GPHN: variants seen among roughly 807,000 people sequenced by gnomAD.
GPHN encodes the protein gephyrin.
A neutral mutation model predicts 95.5 loss-of-function variants in GPHN; 17 were observed. That is an observed-to-expected ratio of 0.18 (90% confidence interval 0.12 to 0.27). GPHN has a LOEUF of 0.27. Among genes scored for constraint, GPHN ranks in the 10% least tolerant of loss-of-function variants. The pLI is 1.00. For missense variants in GPHN, 660 were observed against 978.1 expected, an observed-to-expected ratio of 0.67 and a Z score of 4.34; for synonymous variants, 320 against 322.5, an observed-to-expected ratio of 0.99 and a Z score of 0.08.
the GPHN span, among the ~76,000 whole-genome samples, chr14:67,379,054 C>A: frequency 6.6e-6 from 1 of 152,118 alleles, no homozygotes; most frequent in Admixed American, 6.5e-5. Flanking sequence ...TATACTTGAT[C>A]CATATTAATC....
At chr14:67,066,301 T>G (rs986224057) in intron 11 of GPHN, among the ~76,000 whole-genome samples, 15 of 152,238 alleles carry the variant, frequency 9.9e-5, no homozygotes, top group Non-Finnish European at 1.9e-4. Context: ...AGATCCGCAG[T>G]TAGTCTGATG....
the GPHN span, among the ~76,000 whole-genome samples, chr14:67,581,276 A>G: frequency 1.4e-5 from 2 of 140,148 alleles, no homozygotes; most frequent in African/African-American, 2.6e-5. Context: ...GTGTATATGC[A>G]CACACACACA....
intron 4 of GPHN, among the ~76,000 whole-genome samples, chr14:66,876,482 CA>C (rs2063669446): frequency 6.6e-6 from 1 of 151,914 alleles, no homozygotes; most frequent in African/African-American, 2.4e-5. Flanking sequence ...AAAAGATTAA[CA>C]AAAGAGATAG....
chr14:66,512,605 G>A (rs1245715483), intron 1 of GPHN, among the ~76,000 whole-genome samples: 2 of 151,670 alleles, frequency 1.3e-5, no homozygotes, highest in Non-Finnish European at 3.0e-5. Context: ...TTTGAAATCA[G>A]TAAGAGATAC....
chr14:66,996,202 C>T (rs999746269), intron 9 of GPHN: 43 of 1,531,856 alleles, frequency 2.8e-5, no homozygotes, highest in Admixed American at 2.4e-4. Context: ...TGCTCATCTA[C>T]CTATAGTGTA....
the GPHN span, among the ~76,000 whole-genome samples, chr14:67,193,697 C>T: frequency 1.4e-4 from 20 of 147,912 alleles, no homozygotes; most frequent in Non-Finnish European, 2.7e-4. Flanking sequence ...AATCCCAGCA[C>T]TTTGGGAGGC....
At chr14:66,775,506 C>G (rs993333232) in intron 2 of GPHN, among the ~76,000 whole-genome samples, 1 of 152,046 alleles carries the variant, frequency 6.6e-6, no homozygotes, top group Non-Finnish European at 1.5e-5. Context: ...CCCAATATAT[C>G]AAAATGTTAT....
chr14:67,343,102 A>T, the GPHN span, among the ~76,000 whole-genome samples: 62 of 152,368 alleles, frequency 4.1e-4, no homozygotes, highest in African/African-American at 1.3e-3. Context: ...TAACTGCATG[A>T]ATAACTGGAA....
the GPHN span, chr14:67,350,480 A>C: frequency 4.3e-6 from 3 of 695,734 alleles, no homozygotes; most frequent in Non-Finnish European, 6.9e-6. Context: ...GGGTTAAAAG[A>C]ATTCTTTCTT....
the GPHN span, among the ~76,000 whole-genome samples, chr14:67,291,078 G>A: frequency 6.6e-6 from 1 of 152,004 alleles, no homozygotes; most frequent in Non-Finnish European, 1.5e-5. Flanking sequence ...CAGGGGGGTC[G>A]GAGTTGACAA....
the GPHN span, among the ~76,000 whole-genome samples, chr14:67,639,624 A>G: frequency 1.3e-5 from 2 of 152,142 alleles, no homozygotes; most frequent in South Asian, 4.1e-4. Context: ...TTGTCCATTC[A>G]AGATCTGTAC....
the GPHN span, among the ~76,000 whole-genome samples, chr14:67,428,562 G>A: frequency 6.6e-6 from 1 of 152,232 alleles, no homozygotes; most frequent in Non-Finnish European, 1.5e-5. Flanking sequence ...CAGCTGGTAC[G>A]TGGAAGAGCC....
At chr14:67,182,831 G>A (rs2083343122), downstream of GPHN, among the ~76,000 whole-genome samples, 1 of 145,360 alleles carries the variant, frequency 6.9e-6, no homozygotes, top group Non-Finnish European at 1.5e-5. Context: ...AAGATGGCAT[G>A]TTAGTGGGTC....
At chr14:67,323,842 A>G in the GPHN span, 4 of 1,163,966 alleles carry the variant, frequency 3.4e-6, no homozygotes, top group African/African-American at 1.6e-5. Flanking sequence ...GTACTATTCC[A>G]TTGAAGGTAA....
rs535870135 is a variant in GPHN, at chr14:66,863,824, G to T, written c.295-16115G>T. Among the ~76,000 whole-genome samples the T allele has an allele frequency of 7.0e-4, 106 of 152,196 alleles. 2 individuals carry two copies. In the South Asian group the frequency reaches 0.021, roughly 31 times the overall value. ...GCCATACAAAAATCAAATCACAGTA[G>T]ATTAAAAACTTAAATCTAAGACCTC... On this transcript the variant is annotated intron_variant, in intron 4 of 22. Transcript: ENST00000478722.
chr14:67,220,434 C>T, the GPHN span, among the ~76,000 whole-genome samples: 1 of 150,826 alleles, frequency 6.6e-6, no homozygotes, highest in Non-Finnish European at 1.5e-5. Context: ...AGAGAGAGAC[C>T]TTTTCTCAGG....
intron 11 of GPHN, among the ~76,000 whole-genome samples, chr14:67,084,289 T>C (rs911239061): frequency 1.3e-5 from 2 of 152,232 alleles, no homozygotes; most frequent in African/African-American, 4.8e-5. Flanking sequence ...TAAATTAACT[T>C]GAAGTCATTA....
the GPHN span, among the ~76,000 whole-genome samples, chr14:67,667,869 G>A: frequency 3.9e-5 from 6 of 152,108 alleles, no homozygotes; most frequent in East Asian, 3.9e-4. Context: ...GCGTGAACCC[G>A]GAAGGCAGAA....
At chr14:67,549,028 A>G in the GPHN span, among the ~76,000 whole-genome samples, 1 of 152,258 alleles carries the variant, frequency 6.6e-6, no homozygotes, top group Admixed American at 6.5e-5. Flanking sequence ...CAGTTTCACA[A>G]CATATGGGTA....
Sources: allele counts gnomAD v4.1 joint callset (sites outside exome capture counted in the v4.1 genomes callset), GRCh38; gene constraint gnomAD v4.1.1; transcripts MANE v1.5; gene names NCBI Gene and HGNC (gene_info 2026-07-23, HGNC 2026-07-21).